The following CTNNA3 variants were observed in gnomAD, a reference collection of about 807,000 sequenced individuals.
CTNNA3 encodes catenin alpha 3, also known as catenin alpha-3.
Under a neutral mutation model 95.7 loss-of-function variants are expected in CTNNA3, and 76 were observed. That is an observed-to-expected ratio of 0.79 (90% CI 0.66 to 0.96). The LOEUF is 0.96. Ranked by LOEUF, CTNNA3 falls within the 40% of genes least tolerant of loss-of-function variation. The pLI is 0.00. For synonymous variants in CTNNA3, 431 were observed against 374.4 expected (o/e 1.15, Z -1.74); for missense variants, 1,191 against 1,089.8 (o/e 1.09, Z -1.31).
intron 7 of CTNNA3, among the ~76,000 whole-genome samples, chr10:66,845,710 A>AAAAAAAAAC (rs1843231040): frequency 1.2e-5 from 1 of 85,970 alleles, no homozygotes; most frequent in Admixed American, 1.8e-4. Flanking sequence ...TCTCAAAAAA[A>AAAAAAAAAC]AAAAAAAAAA....
chr10:67,203,381 C>T (rs945175826), intron 6 of CTNNA3, among the ~76,000 whole-genome samples: 1 of 152,114 alleles, frequency 6.6e-6, no homozygotes, highest in Non-Finnish European at 1.5e-5. Context: ...TGAGGCCTCC[C>T]TAGCCATGTG....
intron 7 of CTNNA3, among the ~76,000 whole-genome samples, chr10:66,789,714 G>A (rs1007063865): frequency 1.8e-4 from 27 of 152,024 alleles, no homozygotes; most frequent in African/African-American, 5.3e-4. Context: ...GAGTATAGGC[G>A]GATATTGTGT....
intron 11 of CTNNA3, among the ~76,000 whole-genome samples, chr10:66,382,395 C>T (rs1245001338): frequency 6.6e-6 from 1 of 152,156 alleles, no homozygotes; most frequent in Non-Finnish European, 1.5e-5. Flanking sequence ...TCTGCCATTG[C>T]TGAGGCTTCA....
intron 7 of CTNNA3, among the ~76,000 whole-genome samples, chr10:66,869,737 C>T (rs1244819999): frequency 6.6e-6 from 1 of 152,044 alleles, no homozygotes. Context: ...CAAGTACATA[C>T]AGAGGTGTGA....
intron 13 of CTNNA3, among the ~76,000 whole-genome samples, chr10:66,194,042 T>C (rs139607338): frequency 7.9e-5 from 12 of 152,284 alleles, no homozygotes; most frequent in African/African-American, 2.4e-4. Flanking sequence ...GGAAACAGTA[T>C]GCTTATGGAA....
At chr10:67,613,989 A>C (rs1843559770) in intron 2 of CTNNA3, among the ~76,000 whole-genome samples, 1 of 151,892 alleles carries the variant, frequency 6.6e-6, no homozygotes. Flanking sequence ...CATGGACCCA[A>C]AGAGTGAGCA....
intron 12 of CTNNA3, among the ~76,000 whole-genome samples, chr10:66,337,046 T>C (rs1003957052): frequency 6.6e-6 from 1 of 152,072 alleles, no homozygotes; most frequent in African/African-American, 2.4e-5. Flanking sequence ...TAAATAGATT[T>C]GGGAAATGTA....
intron 5 of CTNNA3, among the ~76,000 whole-genome samples, chr10:67,229,361 A>G (rs1255760468): frequency 6.6e-6 from 1 of 152,092 alleles, no homozygotes; most frequent in East Asian, 1.9e-4. Context: ...AGTCAACATT[A>G]TACTGAATGG....
At chr10:67,242,614 TATACTA>T (rs1422718289) in intron 5 of CTNNA3, among the ~76,000 whole-genome samples, 3 of 152,198 alleles carry the variant, frequency 2.0e-5, no homozygotes, top group African/African-American at 7.2e-5. Context: ...CTGAATCTAA[TATACTA>T]GCACAGATGT....
chr10:66,122,547 C>A (rs1285511437), intron 13 of CTNNA3, among the ~76,000 whole-genome samples: 1 of 152,110 alleles, frequency 6.6e-6, no homozygotes, highest in Non-Finnish European at 1.5e-5. Flanking sequence ...ATATTATATT[C>A]AACTACAGAA....
chr10:67,552,478 G>C (rs547107208), intron 3 of CTNNA3, among the ~76,000 whole-genome samples: 3 of 151,210 alleles, frequency 2.0e-5, no homozygotes, highest in Admixed American at 6.6e-5. Flanking sequence ...AGATGTGTTT[G>C]TCTCCACATC....
At chr10:67,250,134 G>T (rs1866049895) in intron 5 of CTNNA3, among the ~76,000 whole-genome samples, 1 of 151,978 alleles carries the variant, frequency 6.6e-6, no homozygotes, top group South Asian at 2.1e-4. Context: ...AGCTGCACAG[G>T]TCCACTTACA....
intron 7 of CTNNA3, among the ~76,000 whole-genome samples, chr10:67,077,033 G>C (rs1856782992): frequency 6.6e-6 from 1 of 152,086 alleles, no homozygotes; most frequent in Admixed American, 6.6e-5. Flanking sequence ...GAAGATATTT[G>C]TGCATCCAGA....
intron 13 of CTNNA3, among the ~76,000 whole-genome samples, chr10:66,205,091 A>C (rs1474016330): frequency 6.6e-6 from 1 of 152,124 alleles, no homozygotes. Flanking sequence ...GTTCAAAAAA[A>C]TGTTGTTTTT....
chr10:66,879,662 A>G (rs1844768814), intron 7 of CTNNA3, among the ~76,000 whole-genome samples: 1 of 152,136 alleles, frequency 6.6e-6, no homozygotes, highest in Non-Finnish European at 1.5e-5. Flanking sequence ...GCTGAATGAC[A>G]CAAATAATAG....
chr10:66,257,299 C>T (rs1044159811), intron 13 of CTNNA3, among the ~76,000 whole-genome samples: 1 of 152,136 alleles, frequency 6.6e-6, no homozygotes, highest in Non-Finnish European at 1.5e-5. Flanking sequence ...TACTATGGCC[C>T]AATGTGCCAG....
At chr10:66,965,803 C>T (rs1849383617) in intron 7 of CTNNA3, among the ~76,000 whole-genome samples, 1 of 152,070 alleles carries the variant, frequency 6.6e-6, no homozygotes, top group Non-Finnish European at 1.5e-5. Flanking sequence ...TAGAACAGTA[C>T]TTTCAGCATG....
At chr10:66,783,780 T>C (rs565459883) in intron 7 of CTNNA3, among the ~76,000 whole-genome samples, 32 of 152,252 alleles carry the variant, frequency 2.1e-4, no homozygotes, top group Non-Finnish European at 3.8e-4. Flanking sequence ...AATTTTTCTG[T>C]CTCCACCATG....
At chr10:65,990,414 A>G (rs1468336124) in intron 15 of CTNNA3, among the ~76,000 whole-genome samples, 2 of 147,952 alleles carry the variant, frequency 1.4e-5, no homozygotes, top group Non-Finnish European at 3.0e-5. Context: ...TCCTTTTAAT[A>G]ATAGTCATTC....
Sources: allele counts gnomAD v4.1 joint callset (sites outside exome capture counted in the v4.1 genomes callset), GRCh38; gene constraint gnomAD v4.1.1; transcripts MANE v1.5; gene names NCBI Gene and HGNC (gene_info 2026-07-23, HGNC 2026-07-21).